Variants in CCDC7 observed in about 807,000 individuals in gnomAD.
CCDC7 encodes coiled-coil domain containing 7.
Under a neutral mutation model 196.9 loss-of-function variants are expected in CCDC7, and 183 were observed. The ratio of observed to expected loss-of-function variants is 0.93; its 90% CI spans 0.82 to 1.05. CCDC7 has a LOEUF of 1.05. Ranked by LOEUF, CCDC7 falls within the 50% of genes least tolerant of loss-of-function variation. The pLI is 0.00. For missense variants in CCDC7, 1,540 were observed against 1,482.2 expected (o/e 1.04, Z -0.64); for synonymous variants, 525 against 484.6 (o/e 1.08, Z -1.10).
chr10:32,818,963 C>T (rs982927748), intron 31 of CCDC7, among the ~76,000 whole-genome samples: 7 of 152,060 alleles, frequency 4.6e-5, no homozygotes, highest in African/African-American at 1.7e-4. Flanking sequence ...TAACTAAGAT[C>T]AGAGCAGAAC....
exon 31 of CCDC7, chr10:32,814,435 C>A (rs140481991): frequency 6.2e-7 from 1 of 1,610,078 alleles, no homozygotes; most frequent in Admixed American, 1.7e-5. Context: ...ATTCAAGACA[C>A]GATCAAAGAG....
At chr10:32,537,091 T>C (rs189782619) in intron 11 of CCDC7, among the ~76,000 whole-genome samples, 11 of 152,312 alleles carry the variant, frequency 7.2e-5, no homozygotes, top group South Asian at 2.1e-4. Context: ...CTTTCTACAA[T>C]GGCTGAACTA....
At chr10:32,759,563 C>A (rs1352854409) in intron 28 of CCDC7, among the ~76,000 whole-genome samples, 1 of 152,128 alleles carries the variant, frequency 6.6e-6, no homozygotes, top group Non-Finnish European at 1.5e-5. Flanking sequence ...GAAACTGGAT[C>A]CCTTCCTTAC....
chr10:32,690,967 T>G (rs1043084957), intron 23 of CCDC7, among the ~76,000 whole-genome samples: 1 of 152,338 alleles, frequency 6.6e-6, no homozygotes, highest in African/African-American at 2.4e-5. Flanking sequence ...AGAGCATTAC[T>G]TCTTTTCCCC....
rs562014990 is a variant in CCDC7 at position 32,488,506 on chromosome 10, C to T, written c.797-3416C>T. Among the ~76,000 whole-genome samples, 1,266 of 152,250 alleles carry T rather than the reference C, an allele frequency of 8.3e-3. 13 individuals are homozygous for T. The highest frequency in any genetic ancestry group is 0.013 in the Non-Finnish European group (895 of 68,018). On this transcript the variant is annotated intron_variant, in intron 8 of 41. Coordinates refer to ENST00000639629, the Ensembl canonical transcript of CCDC7. ...CACCCAGTGTCCTGCACCCACTTTC[C>T]GACACTCCCCAGTGAGATGAACCCG...
chr10:32,585,113 G>C (rs547642816), intron 18 of CCDC7, among the ~76,000 whole-genome samples: 1 of 149,058 alleles, frequency 6.7e-6, no homozygotes, highest in Non-Finnish European at 1.5e-5. Flanking sequence ...TTGCTCTGTC[G>C]CCCAGGCTGT....
chr10:32,510,295 G>C (rs2045904856), intron 9 of CCDC7, among the ~76,000 whole-genome samples: 1 of 152,182 alleles, frequency 6.6e-6, no homozygotes, highest in Admixed American at 6.5e-5. Flanking sequence ...GAGCTGAAAA[G>C]GTGTAGGCTA....
chr10:32,559,939 A>C (rs1589876116), intron 13 of CCDC7, among the ~76,000 whole-genome samples: 1 of 152,236 alleles, frequency 6.6e-6, no homozygotes, highest in Non-Finnish European at 1.5e-5. Context: ...ATTTAGACGA[A>C]TGTATAACTA....
intron 25 of CCDC7, among the ~76,000 whole-genome samples, chr10:32,726,311 A>G (rs1051162527): frequency 6.6e-6 from 1 of 151,946 alleles, no homozygotes; most frequent in Non-Finnish European, 1.5e-5. Context: ...ATCATAATTT[A>G]TAGTATATAT....
intron 11 of CCDC7, among the ~76,000 whole-genome samples, chr10:32,524,703 A>G (rs1421707075): frequency 3.3e-5 from 5 of 152,184 alleles, no homozygotes; most frequent in African/African-American, 9.7e-5. Context: ...ATGGTATGCC[A>G]CTTTCTCCTG....
intron 11 of CCDC7, among the ~76,000 whole-genome samples, chr10:32,535,782 A>T (rs1049545423): frequency 1.3e-5 from 2 of 152,204 alleles, no homozygotes; most frequent in African/African-American, 4.8e-5. Flanking sequence ...TATTACGTTA[A>T]TTACGTTAAT....
intron 18 of CCDC7, among the ~76,000 whole-genome samples, chr10:32,622,756 G>A (rs1340745595): frequency 1.3e-5 from 2 of 151,922 alleles, no homozygotes; most frequent in Non-Finnish European, 2.9e-5. Flanking sequence ...ATGTCCCCTG[G>A]GGGAAAAACA....
intron 31 of CCDC7, among the ~76,000 whole-genome samples, chr10:32,824,030 G>A (rs1001671806): frequency 3.3e-5 from 5 of 152,020 alleles, no homozygotes; most frequent in African/African-American, 1.2e-4. Context: ...AGGAACTTCT[G>A]TTTTATTATA....
chr10:32,861,834 A>G (rs936480119), intron 41 of CCDC7, among the ~76,000 whole-genome samples: 3 of 152,258 alleles, frequency 2.0e-5, no homozygotes, highest in Non-Finnish European at 4.4e-5. Flanking sequence ...ATCACTGGTC[A>G]TTAGAGAAAT....
chr10:32,661,524 T>G (rs565150783), intron 20 of CCDC7, among the ~76,000 whole-genome samples: 13 of 152,292 alleles, frequency 8.5e-5, no homozygotes, highest in African/African-American at 3.1e-4. Context: ...TCTCACCTGA[T>G]GCCCATAGCA....
At chr10:32,518,328 C>A in intron 10 of CCDC7, 88 bp from the exon 12 acceptor site, 1 of 1,342,600 alleles carries the variant, frequency 7.4e-7, no homozygotes, top group Non-Finnish European at 9.9e-7. Flanking sequence ...TTAATGAAGA[C>A]TTTCTTACCT....
intron 28 of CCDC7, among the ~76,000 whole-genome samples, chr10:32,777,960 T>C (rs1033408650): frequency 7.9e-5 from 12 of 152,244 alleles, no homozygotes; most frequent in African/African-American, 1.4e-4. Flanking sequence ...GGAGCATTTT[T>C]TCATATGTTT....
At chr10:32,486,891 G>A (rs1442925018) in intron 8 of CCDC7, among the ~76,000 whole-genome samples, 2 of 151,852 alleles carry the variant, frequency 1.3e-5, no homozygotes, top group Non-Finnish European at 2.9e-5. Context: ...CCCTTTGTTG[G>A]TAACTGGACC....
chr10:32,484,477 A>G (rs938900524), intron 8 of CCDC7, among the ~76,000 whole-genome samples: 3 of 152,168 alleles, frequency 2.0e-5, no homozygotes, highest in Admixed American at 6.5e-5. Flanking sequence ...TCCTAATTCA[A>G]TACCCTTTAT....
Sources: gnomAD v4.1 joint callset for allele counts (sites outside exome capture counted in the v4.1 genomes callset) on GRCh38, gnomAD v4.1.1 for gene constraint, MANE v1.5 for transcripts, NCBI Gene and HGNC (gene_info 2026-07-23, HGNC 2026-07-21) for gene names.